Variants in HUNK observed in about 807,000 individuals in gnomAD.
HUNK encodes the protein hormonally up-regulated Neu-associated kinase, also known as hormonally up-regulated neu tumor-associated kinase.
Under a neutral mutation model 61.0 loss-of-function variants are expected in HUNK, and 21 were observed. The observed-to-expected ratio is 0.34, with a 90% CI of 0.24 to 0.50. The LOEUF (loss-of-function observed/expected upper bound fraction) is 0.50, where lower values mean the gene tolerates loss of function less well. HUNK is among the 20% of genes least tolerant of loss of function. The pLI, the probability that HUNK is intolerant of heterozygous loss-of-function variation, is 0.98. For missense variants in HUNK, 772 were observed against 945.7 expected, an observed-to-expected ratio of 0.82 and a Z score of 2.41; for synonymous variants, 371 against 386.1, an observed-to-expected ratio of 0.96 and a Z score of 0.46.
intron 7 of HUNK, among the ~76,000 whole-genome samples, chr21:31,977,123 T>G (rs1291886176): frequency 1.3e-5 from 2 of 152,188 alleles, no homozygotes; most frequent in Non-Finnish European, 2.9e-5. Flanking sequence ...TCTCATACTT[T>G]AAAATTTCTA....
rs578126527 is a variant in HUNK at position 31,984,620 on chromosome 21, C to T, written c.1257+1011C>T. 1.2e-4 allele frequency among the ~76,000 whole-genome samples: 18 copies of T among 152,304 alleles called. No individual in the cohort carries two copies. The South Asian group carries it at 3.5e-3, about 30-fold the overall frequency. On this transcript the variant is annotated intron_variant, in intron 8 of 10. Coordinates refer to ENST00000270112, the MANE Select transcript of HUNK (RefSeq NM_014586.2). ...GCTCCTGTAGCAAACATCCCACATCCATGTTTGTTAGGAAACTGTGTCTGT... is the reference window on the plus strand; with the variant it reads ...GCTCCTGTAGCAAACATCCCACATCTATGTTTGTTAGGAAACTGTGTCTGT...
At chr21:31,941,766 G>A (rs895164815) in intron 3 of HUNK, among the ~76,000 whole-genome samples, 1 of 152,202 alleles carries the variant, frequency 6.6e-6, no homozygotes, top group Non-Finnish European at 1.5e-5. Context: ...GGGCCTCCTG[G>A]TGTGGGGTAG....
chr21:31,972,298 TTATA>T (rs2053016954), intron 6 of HUNK, among the ~76,000 whole-genome samples: 1 of 152,154 alleles, frequency 6.6e-6, no homozygotes, highest in Admixed American at 6.5e-5. Flanking sequence ...TCAATTCAAA[TTATA>T]TCTAGTATTC....
Position 31,873,679 on chromosome 21 carries a change from C to A in HUNK, c.5C>A (p.Pro2Gln). The A allele has an allele frequency of 9.9e-7, 1 of 1,009,126 alleles. No individual in the cohort carries two copies. The highest frequency in any genetic ancestry group is 1.2e-6 in the Non-Finnish European group (1 of 844,698). The allele number at this position is 1,009,126 out of a possible 1,614,324, so 62.5% of individuals were successfully genotyped here. ...GCGCGGGCCGCGGCGAGCGCGATGC[C>A]GGCGGCGGCGGGGGACGGGCTCCTG... is the stretch of plus-strand genomic sequence containing the variant. Reference protein sequence around the residue: MPAAAGDGLLGE... With the variant: MQAAAGDGLLGE... Residue 2 changes from proline (P) to glutamine (Q), a missense_variant, in exon 1 of 11, where the codon CCG becomes CAG. Physicochemically the swap from Pro to Gln is moderately conservative, Grantham distance 76. This residue lies in a region of HUNK where 359 missense variants were observed against 501.3 expected (regional missense o/e 0.72). Transcript: ENST00000270112. The surrounding 1 kb of genome is among the most constrained non-coding windows in gnomAD (Gnocchi z 6.1).
chr21:31,983,479 T>C (rs2053112110), intron 7 of HUNK, 47 bp from the exon 8 acceptor site: 1 of 1,448,720 alleles, frequency 6.9e-7, no homozygotes, highest in Non-Finnish European at 9.7e-7. Flanking sequence ...AATGGGCATT[T>C]CTATTTCTGA....
intron 2 of HUNK, among the ~76,000 whole-genome samples, chr21:31,939,026 G>A (rs992263102): frequency 6.6e-6 from 1 of 152,140 alleles, no homozygotes; most frequent in Non-Finnish European, 1.5e-5. Context: ...GGGTAGACAT[G>A]TTTCCTGCCT....
intron 1 of HUNK, among the ~76,000 whole-genome samples, chr21:31,883,012 G>A (rs2052319892): frequency 1.3e-5 from 2 of 151,690 alleles, no homozygotes; most frequent in South Asian, 2.1e-4. Flanking sequence ...CATTTAGGGA[G>A]TACATAATTT....
At chr21:31,900,590 T>C (rs902771953) in intron 1 of HUNK, among the ~76,000 whole-genome samples, 1 of 152,200 alleles carries the variant, frequency 6.6e-6, no homozygotes, top group African/African-American at 2.4e-5. Context: ...GGTTTTGTCA[T>C]GGTCCAAAGG....
In HUNK at chr21:31,983,517, C is replaced by T. The variant is rs1398238292; in HGVS notation, c.1174-9C>T. The T allele has an allele frequency of 1.2e-6, 2 of 1,609,858 alleles. No homozygotes were observed. Among genetic ancestry groups the T allele is most frequent in the Non-Finnish European group, 1.7e-6 (2 of 1,176,780 alleles). On this transcript the variant is annotated splice_polypyrimidine_tract_variant and intron_variant, in intron 7 of 10. Transcript: ENST00000270112. Reference sequence around the variant, plus strand: ...GTTGAGCTGTGCTTTTTCTTTTCTCCTCTGGTAGAAATCTGACATCCAGGA... The same window carrying T: ...GTTGAGCTGTGCTTTTTCTTTTCTCTTCTGGTAGAAATCTGACATCCAGGA...
chr21:31,927,601 G>A (rs112621088), intron 2 of HUNK, among the ~76,000 whole-genome samples: 12,129 of 151,656 alleles, frequency 0.08, 1,571 homozygotes, highest in African/African-American at 0.27. Context: ...CCGAGATCAC[G>A]CCACTGCACT....
chr21:31,886,359 G>A (rs77455353), intron 1 of HUNK, among the ~76,000 whole-genome samples: 10,421 of 150,440 alleles, frequency 0.069, 775 homozygotes, highest in East Asian at 0.25. Context: ...CTGGGAGGCG[G>A]ACGTTGCAGC....
At chr21:31,934,404 C>A (rs2052718733) in intron 2 of HUNK, among the ~76,000 whole-genome samples, 1 of 143,250 alleles carries the variant, frequency 7.0e-6, no homozygotes, top group South Asian at 2.2e-4. Flanking sequence ...GATCACGCCA[C>A]TGCACTCTAG....
chr21:31,947,173 C>T (rs2052811108), intron 4 of HUNK, among the ~76,000 whole-genome samples: 3 of 151,654 alleles, frequency 2.0e-5, no homozygotes, highest in Admixed American at 2.0e-4. Flanking sequence ...ACATCCCAGG[C>T]TCAAGCCAGT....
intron 1 of HUNK, among the ~76,000 whole-genome samples, chr21:31,914,737 TC>T (rs148199467): frequency 0.092 from 14,013 of 152,236 alleles, 798 homozygotes; most frequent in Middle Eastern, 0.15. Flanking sequence ...CTGTGCAGGC[TC>T]AGAGACAGAG....
intron 2 of HUNK, among the ~76,000 whole-genome samples, chr21:31,932,345 C>T (rs1171804955): frequency 6.6e-6 from 1 of 152,146 alleles, no homozygotes; most frequent in Non-Finnish European, 1.5e-5. Context: ...CTCCCTCGCA[C>T]CCTCTGTCCT....
At chr21:31,914,150 G>A (rs1568923825) in intron 1 of HUNK, among the ~76,000 whole-genome samples, 1 of 152,026 alleles carries the variant, frequency 6.6e-6, no homozygotes, top group Non-Finnish European at 1.5e-5. Context: ...GCTCATGCCT[G>A]TAATCCCAGC....
At chr21:31,905,312 G>A (rs946031445) in intron 1 of HUNK, among the ~76,000 whole-genome samples, 3 of 152,196 alleles carry the variant, frequency 2.0e-5, no homozygotes, top group Non-Finnish European at 4.4e-5. Context: ...GACGTAACCA[G>A]TCCTGCTCAC....
chr21:31,950,131 A>C (rs2052839422), intron 4 of HUNK, among the ~76,000 whole-genome samples: 1 of 152,170 alleles, frequency 6.6e-6, no homozygotes, highest in Non-Finnish European at 1.5e-5. Flanking sequence ...TGCTAGTGGG[A>C]CAAACAGCTG....
chr21:31,969,156 T>C (rs62221639), intron 6 of HUNK, among the ~76,000 whole-genome samples: 1,715 of 152,146 alleles, frequency 0.011, 20 homozygotes, highest in Non-Finnish European at 0.019. Context: ...GGATTTCATG[T>C]GTGAGCCAAC....
Sources: allele counts gnomAD v4.1 joint callset (sites outside exome capture counted in the v4.1 genomes callset), GRCh38; gene constraint gnomAD v4.1.1; regional missense constraint gnomAD v4.1.1; non-coding constraint Gnocchi (gnomAD v3.1); transcripts MANE v1.5; gene names NCBI Gene and HGNC (gene_info 2026-07-23, HGNC 2026-07-21).